UTRN: variants seen among roughly 807,000 people sequenced by gnomAD.
The protein encoded by UTRN is dystrophin-related protein 1.
UTRN carries 283 observed loss-of-function variants against 463.9 expected under a neutral mutation model. The observed-to-expected ratio is 0.61, with a 90% CI of 0.55 to 0.67. UTRN has a LOEUF of 0.67. Among genes scored for constraint, UTRN ranks in the 30% least tolerant of loss-of-function variants. The pLI is 0.00. For missense variants in UTRN, 3,922 were observed against 4,084.3 expected (o/e 0.96, Z 1.08); for synonymous variants, 1,442 against 1,431.5 (o/e 1.01, Z -0.17).
chr6:144,344,191 C>G (rs1476343892), intron 2 of UTRN: 4 of 1,303,174 alleles, frequency 3.1e-6, no homozygotes, highest in South Asian at 1.2e-5. Context: ...TTTTCCTCAT[C>G]ATCTAAGCAG....
intron 50 of UTRN, among the ~76,000 whole-genome samples, chr6:144,560,434 G>A (rs561983243): frequency 1.3e-3 from 200 of 152,208 alleles, no homozygotes; most frequent in Admixed American, 4.4e-3. Flanking sequence ...TATGCATAAT[G>A]TAATGCACTC....
At chr6:144,285,993 C>T (rs537319273) in intron 1 of UTRN, among the ~76,000 whole-genome samples, 172 bp downstream of exon 1, 17 of 152,346 alleles carry the variant, frequency 1.1e-4, no homozygotes, top group African/African-American at 4.1e-4. Flanking sequence ...CTTTTGCGTG[C>T]CCTTTCCTCG....
At chr6:144,654,459 T>C (rs978617662) in intron 51 of UTRN, among the ~76,000 whole-genome samples, 1 of 152,248 alleles carries the variant, frequency 6.6e-6, no homozygotes, top group African/African-American at 2.4e-5. Context: ...AGCTTTTTAC[T>C]TGTGACTGAA....
intron 51 of UTRN, among the ~76,000 whole-genome samples, chr6:144,654,057 ATG>A (rs149768124): frequency 0.017 from 2,557 of 152,258 alleles, 83 homozygotes; most frequent in African/African-American, 0.059. Flanking sequence ...AGGGGAGAAA[ATG>A]TGTGATTGTG....
At chr6:144,319,012 T>C (rs1039754004) in intron 2 of UTRN, among the ~76,000 whole-genome samples, 4 of 152,176 alleles carry the variant, frequency 2.6e-5, no homozygotes, top group Non-Finnish European at 5.9e-5. Flanking sequence ...GAGGCTGCAG[T>C]GAACTATGGT....
rs1316209400 is a variant in UTRN, at chr6:144,774,322, C to T, written c.8590C>T (p.Arg2864Cys). 4 of 1,601,608 alleles carry T rather than the reference C, an allele frequency of 2.5e-6. No individual in the cohort carries two copies. Among genetic ancestry groups the T allele is most frequent in the Non-Finnish European group, 3.4e-6 (4 of 1,176,370 alleles). Residue 2864 changes from arginine to cysteine, a missense_variant, in exon 60 of 75, where the codon CGT (arginine) becomes TGT (cysteine). Arg to Cys is a radical substitution (Grantham distance 180). Coordinates refer to ENST00000367545, the MANE Select transcript of UTRN (RefSeq NM_007124.3). ...DLNNVRFSAY[R>C]TAIKIRRLQK... Reference sequence around the variant, plus strand: ...GAATAATGTACGTTTTTCTGCCTACCGTACAGCAATCAAAATCCGAAGACT... The same window carrying T: ...GAATAATGTACGTTTTTCTGCCTACTGTACAGCAATCAAAATCCGAAGACT...
Position 144,488,792 on chromosome 6 carries a change from G to A in UTRN, c.4092G>A (p.Leu1364=), listed in dbSNP as rs1792735941. 1.2e-6 allele frequency: 2 copies of A among 1,607,506 alleles called. No individual in the cohort carries two copies. The highest frequency in any genetic ancestry group is 1.3e-5 in the African/African-American group (1 of 74,698). The change falls in exon 30 of 75, where the codon CTG becomes CTA. Residue 1364 remains leucine (L), a synonymous_variant. Coordinates refer to ENST00000367545, the MANE Select transcript of UTRN (RefSeq NM_007124.3). The part of the protein sequence containing the change: ...GELDKQLTTY[L]TDRIDAFQVP... ...TGGACAAACAGCTCACCACATACCT[G>A]ACTGACAGGATAGATGCTTTCCAAG...
rs770107067 is a variant in UTRN at position 144,437,736 on chromosome 6, A to G, written c.1231A>G (p.Arg411Gly). ...WEALRVESMDRQSRLHDVLME... is the reference protein window; with the variant it reads ...WEALRVESMDGQSRLHDVLME... Reference sequence around the variant, plus strand: ...GGCTCTTAGGGTGGAGAGTATGGACAGACAGTCCCGGTGAGTGGAAAGCCA... The same window carrying G: ...GGCTCTTAGGGTGGAGAGTATGGACGGACAGTCCCGGTGAGTGGAAAGCCA... The change falls in exon 11 of 75, where the codon AGA becomes GGA. Residue 411 changes from arginine to glycine, a missense_variant. Coordinates refer to ENST00000367545, the MANE Select transcript of UTRN (RefSeq NM_007124.3). 1 of 1,612,672 alleles carries G rather than the reference A, an allele frequency of 6.2e-7. No individual in the cohort carries two copies. The highest frequency in any genetic ancestry group is 8.5e-7 in the Non-Finnish European group (1 of 1,179,426).
chr6:144,540,084 A>G (rs958651789), intron 45 of UTRN, among the ~76,000 whole-genome samples: 3 of 151,624 alleles, frequency 2.0e-5, no homozygotes, highest in Non-Finnish European at 4.4e-5. Context: ...TAGCATCCTG[A>G]TTTTGCACAT....
chr6:144,827,572 T>C, intron 67 of UTRN, 39 bp from the exon 68 acceptor site: 1 of 1,611,494 alleles, frequency 6.2e-7, no homozygotes, highest in Non-Finnish European at 8.5e-7. Flanking sequence ...CTATCAATAT[T>C]TGGGCATAAA....
intron 38 of UTRN, 143 bp downstream of exon 38, chr6:144,516,530 T>C (rs1795623977): frequency 2.0e-6 from 2 of 997,942 alleles, no homozygotes; most frequent in Non-Finnish European, 2.9e-6. Flanking sequence ...TGTGTCAATG[T>C]AAGAGTCACA....
At chr6:144,517,800 G>A (rs1009027835) in intron 39 of UTRN, among the ~76,000 whole-genome samples, 1 of 152,268 alleles carries the variant, frequency 6.6e-6, no homozygotes, top group African/African-American at 2.4e-5. Context: ...GCAGGAGGCT[G>A]TACCATCTAG....
chr6:144,429,777 C>T (rs766663006), intron 9 of UTRN, 36 bp downstream of exon 9: 13 of 1,590,548 alleles, frequency 8.2e-6, no homozygotes, highest in African/African-American at 2.7e-5. Context: ...TTTGGCTTGC[C>T]GTATTTGTTT....
At chr6:144,443,062 C>T (rs1410656802) in intron 13 of UTRN, among the ~76,000 whole-genome samples, 1 of 152,142 alleles carries the variant, frequency 6.6e-6, no homozygotes, top group African/African-American at 2.4e-5. Context: ...TTTTGGAAAC[C>T]TCCCAAAATT....
At position 144,782,134 on chromosome 6, in the gene UTRN, A is replaced by G. The variant is rs745463933; in HGVS notation, c.8834+11A>G. 2 of 1,560,192 alleles carry G rather than the reference A, an allele frequency of 1.3e-6. No individual in the cohort carries two copies. Among genetic ancestry groups the G allele is most frequent in the African/African-American group, 1.4e-5 (1 of 73,916 alleles). ...CAATGTCTATGACACGTAAGTTTAT[A>G]TTTTTTCTCATTAAAATACGATCAC... On this transcript the variant is annotated intron_variant, in intron 61 of 74. Transcript: ENST00000367545.
chr6:144,435,271 G>A (rs1786427056), intron 9 of UTRN, among the ~76,000 whole-genome samples: 1 of 152,194 alleles, frequency 6.6e-6, no homozygotes, highest in Non-Finnish European at 1.5e-5. Flanking sequence ...ACTAGGGAGA[G>A]TCAATTTGGT....
intron 43 of UTRN, among the ~76,000 whole-genome samples, chr6:144,535,243 G>C (rs1003892034): frequency 2.0e-5 from 3 of 152,114 alleles, no homozygotes; most frequent in African/African-American, 7.2e-5. Flanking sequence ...ACCATGCCTG[G>C]CTAATTTTCA....
chr6:144,459,416 A>T (rs898477608), intron 21 of UTRN, 62 bp downstream of exon 21: 3 of 1,499,006 alleles, frequency 2.0e-6, no homozygotes, highest in Middle Eastern at 3.7e-4. Context: ...ATGACTCCCA[A>T]CATTTAGAAC....
At chr6:144,337,122 G>GAC (rs368751007) in intron 2 of UTRN, among the ~76,000 whole-genome samples, 2 of 148,610 alleles carry the variant, frequency 1.3e-5, no homozygotes, top group East Asian at 2.0e-4. Context: ...AACACACACA[G>GAC]ACACACACAC....
Sources: gnomAD v4.1 joint callset for allele counts (sites outside exome capture counted in the v4.1 genomes callset) on GRCh38, gnomAD v4.1.1 for gene constraint, MANE v1.5 for transcripts, NCBI Gene and HGNC (gene_info 2026-07-23, HGNC 2026-07-21) for gene names.